SUPT3H: variants seen among roughly 807,000 people sequenced by gnomAD.
The protein encoded by SUPT3H is SPT3 homolog, SAGA and STAGA complex component.
Under a neutral mutation model 44.3 loss-of-function variants are expected in SUPT3H, and 44 were observed. That is an observed-to-expected ratio of 0.99 (90% CI 0.78 to 1.28). The LOEUF is 1.28. Among genes scored for constraint, SUPT3H ranks in the 50% most tolerant of loss-of-function variants. The pLI is 0.00. For synonymous variants in SUPT3H, 124 were observed against 125.6 expected, an observed-to-expected ratio of 0.99 and a Z score of 0.09; for missense variants, 380 against 387.1, an observed-to-expected ratio of 0.98 and a Z score of 0.15.
chr6:45,299,292 C>T lies in SUPT3H; in HGVS notation c.101+65909G>A, dbSNP rs1434941242. 2.7e-5 allele frequency among the ~76,000 whole-genome samples: 4 copies of T among 149,586 alleles called. No homozygotes were observed. The South Asian group carries it at 6.3e-4, about 24-fold the overall frequency. ...CAGAGGTTGCAGTAAGCTGAGATTG[C>T]GCCACTGCACTCCAGCTTGGGCAAC... is the stretch of plus-strand genomic sequence containing the variant. On this transcript the variant is annotated intron_variant, in intron 2 of 10. Coordinates refer to ENST00000371459, the MANE Select transcript of SUPT3H (RefSeq NM_003599.4).
intron 2 of SUPT3H, among the ~76,000 whole-genome samples, chr6:45,198,538 GAAATTTT>G (rs1816462899): frequency 6.6e-6 from 1 of 151,270 alleles, no homozygotes. Context: ...TTAATTTGCT[GAAATTTT>G]CACTTGTGAA....
Position 45,177,169 on chromosome 6 carries a change from G to GA in SUPT3H, c.102-71164dup, listed in dbSNP as rs765254963. ...CAAAGGCAAAGAAGTTGAAAACTTT[G>GA]AAAAAAATTTAGAAGAATGTATAAC... On this transcript the variant is annotated intron_variant, in intron 2 of 10. Coordinates refer to ENST00000371459, the MANE Select transcript of SUPT3H (RefSeq NM_003599.4). Among the ~76,000 whole-genome samples the GA allele has an allele frequency of 3.0e-4, 46 of 152,126 alleles. 2 individuals carry two copies. Among genetic ancestry groups the GA allele is most frequent in the East Asian group, 1.4e-3 (7 of 5,170 alleles).
At chr6:45,287,241 TAAAAATA>T (rs1180848280) in intron 2 of SUPT3H, among the ~76,000 whole-genome samples, 1 of 143,766 alleles carries the variant, frequency 7.0e-6, no homozygotes, top group Non-Finnish European at 1.5e-5. Context: ...TAAAGTATAA[TAAAAATA>T]AAAAATAAAA....
Position 45,365,232 on chromosome 6 carries a change from T to C in SUPT3H, c.70A>G (p.Ile24Val), listed in dbSNP as rs780628100. 16 of 1,612,114 alleles carry C rather than the reference T, an allele frequency of 9.9e-6. No individual in the cohort carries two copies. The highest frequency in any genetic ancestry group is 1.6e-4 in the Middle Eastern group (1 of 6,070). Residue 24 changes from isoleucine (I) to valine (V), a missense_variant, in exon 2 of 11, where the codon ATA (isoleucine) becomes GTA (valine). By Grantham distance (29) the Ile-to-Val change is conservative. Coordinates refer to ENST00000371459, the MANE Select transcript of SUPT3H (RefSeq NM_003599.4). ...CTCTGTAATTCTGTTGCAAAGCTTA[T>C]AGACTTCCCTGTACTCCTTCCACTA... ...SSSGRSTGKS[I>V]SFATELQSMM...
intron 2 of SUPT3H, among the ~76,000 whole-genome samples, chr6:45,255,792 C>A (rs1484413607): frequency 3.3e-5 from 5 of 152,182 alleles, no homozygotes; most frequent in Non-Finnish European, 5.9e-5. Context: ...ACCATAAATT[C>A]ACTCATTCAA....
intron 3 of SUPT3H, among the ~76,000 whole-genome samples, chr6:45,069,690 C>T (rs766594531): frequency 2.0e-5 from 3 of 151,846 alleles, no homozygotes; most frequent in Admixed American, 6.6e-5. Context: ...TATATGAGGG[C>T]GAGGAAACCA....
chr6:45,103,183 T>G (rs189707943), intron 3 of SUPT3H, among the ~76,000 whole-genome samples: 1 of 152,286 alleles, frequency 6.6e-6, no homozygotes, highest in East Asian at 1.9e-4. Context: ...ATTGTAGAGG[T>G]AAACAAAACA....
intron 3 of SUPT3H, among the ~76,000 whole-genome samples, chr6:45,084,009 T>C (rs1796165475): frequency 6.6e-6 from 1 of 152,174 alleles, no homozygotes; most frequent in South Asian, 2.1e-4. Context: ...ACATTAAAGA[T>C]TTAAATGTAA....
At chr6:44,892,293 T>C (rs151307905) in intron 10 of SUPT3H, among the ~76,000 whole-genome samples, 35 of 152,062 alleles carry the variant, frequency 2.3e-4, no homozygotes, top group African/African-American at 7.0e-4. Context: ...CTTTATAAGA[T>C]GAGGAAGAGA....
chr6:44,999,523 C>A lies in SUPT3H; in HGVS notation c.504+4130G>T, dbSNP rs143509631. On this transcript the variant is annotated intron_variant, in intron 6 of 10. Coordinates refer to ENST00000371459, the MANE Select transcript of SUPT3H (RefSeq NM_003599.4). ...TTGAAGGTGTGAGGGCAGATGGAGG[C>A]TACAGCCCCACCAAACCTCTTCTCT... Among the ~76,000 whole-genome samples the A allele has an allele frequency of 7.3e-4, 111 of 152,142 alleles. No individual in the cohort carries two copies. The East Asian group carries it at 0.02, about 27-fold the overall frequency.
At chr6:45,176,524 G>C (rs1811914230) in intron 2 of SUPT3H, among the ~76,000 whole-genome samples, 1 of 152,094 alleles carries the variant, frequency 6.6e-6, no homozygotes, top group Non-Finnish European at 1.5e-5. Flanking sequence ...GCCCAGGCTT[G>C]CTTAGGTAAA....
At chr6:45,088,121 G>T (rs567810564) in intron 3 of SUPT3H, among the ~76,000 whole-genome samples, 1 of 152,036 alleles carries the variant, frequency 6.6e-6, no homozygotes, top group Non-Finnish European at 1.5e-5. Flanking sequence ...GCGTCTGCAG[G>T]TTTCTTCTCA....
intron 6 of SUPT3H, among the ~76,000 whole-genome samples, chr6:44,972,683 C>T (rs1360766210): frequency 2.6e-5 from 4 of 152,246 alleles, no homozygotes; most frequent in Non-Finnish European, 4.4e-5. Context: ...CCTGCCTAGA[C>T]ATCCAGGTGT....
At chr6:45,240,308 T>C (rs986539166) in intron 2 of SUPT3H, among the ~76,000 whole-genome samples, 7 of 152,308 alleles carry the variant, frequency 4.6e-5, no homozygotes, top group Admixed American at 2.6e-4. Flanking sequence ...AATTTAATGA[T>C]AGCTATGATA....
chr6:44,980,185 C>T (rs1281085568), intron 6 of SUPT3H, among the ~76,000 whole-genome samples: 1 of 151,484 alleles, frequency 6.6e-6, no homozygotes, highest in African/African-American at 2.4e-5. Flanking sequence ...TCTAAAGCTC[C>T]AGCCTTGAAT....
chr6:45,322,144 A>T (rs1785597899), intron 2 of SUPT3H, among the ~76,000 whole-genome samples: 2 of 152,028 alleles, frequency 1.3e-5, no homozygotes, highest in Non-Finnish European at 1.5e-5. Context: ...AGCTAGTTTT[A>T]GAAAACTAGA....
At chr6:45,110,435 T>C (rs541357619) in intron 2 of SUPT3H, among the ~76,000 whole-genome samples, 2 of 152,316 alleles carry the variant, frequency 1.3e-5, no homozygotes, top group African/African-American at 2.4e-5. Flanking sequence ...GCGCTATGTA[T>C]AGCCCAATAC....
chr6:45,182,486 T>G (rs926920550), intron 2 of SUPT3H, among the ~76,000 whole-genome samples: 1 of 152,292 alleles, frequency 6.6e-6, no homozygotes, highest in East Asian at 1.9e-4. Flanking sequence ...GATCACAATC[T>G]TCTGACCTCA....
intron 1 of SUPT3H, among the ~76,000 whole-genome samples, chr6:45,365,977 G>A (rs1795069583): frequency 6.6e-6 from 1 of 151,826 alleles, no homozygotes; most frequent in African/African-American, 2.4e-5. Context: ...GATAAAGTGG[G>A]TGCCAATCCT....
Sources: gnomAD v4.1 joint callset for allele counts (sites outside exome capture counted in the v4.1 genomes callset) on GRCh38, gnomAD v4.1.1 for gene constraint, MANE v1.5 for transcripts, NCBI Gene and HGNC (gene_info 2026-07-23, HGNC 2026-07-21) for gene names.